The following IL1RAPL1 variants were observed in gnomAD, a reference collection of about 807,000 sequenced individuals.
IL1RAPL1 encodes interleukin-1 receptor accessory protein-like 1.
Under a neutral mutation model 48.4 loss-of-function variants are expected in IL1RAPL1, and 3 were observed. The observed-to-expected ratio is 0.06, with a 90% CI of 0.03 to 0.16. The LOEUF (loss-of-function observed/expected upper bound fraction) is 0.16, where lower values mean the gene tolerates loss of function less well. Ranked by LOEUF, IL1RAPL1 falls within the 10% of genes least tolerant of loss-of-function variation. The pLI is 1.00. For synonymous variants in IL1RAPL1, 185 were observed against 187.7 expected, an observed-to-expected ratio of 0.99 and a Z score of 0.12; for missense variants, 349 against 530.6, an observed-to-expected ratio of 0.66 and a Z score of 3.36.
In IL1RAPL1 at chrX:29,335,308, G is replaced by C. The variant is rs866056544; in HGVS notation, c.362+52091G>C. 1.7e-3 allele frequency among the ~76,000 whole-genome samples: 6 copies of C among 3,613 alleles called. 1 individual carries two copies. The highest frequency in any genetic ancestry group is 2.9e-3 in the African/African-American group (6 of 2,101). The allele number at this position is 3,613 out of a possible 115,157, so 3.1% of individuals were successfully genotyped here. A position where few individuals can be genotyped will look rare whatever the true frequency, so the allele number is the denominator to read the frequency against. ...AGAGGGGAGAGGGGAGAGGGGAGAGGGGAGAGGGGAGAGGGGAGAGGGGAG... is the reference window on the plus strand; with the variant it reads ...AGAGGGGAGAGGGGAGAGGGGAGAGCGGAGAGGGGAGAGGGGAGAGGGGAG... On this transcript the variant is annotated intron_variant, in intron 3 of 10. Coordinates refer to ENST00000378993, the MANE Select transcript of IL1RAPL1 (RefSeq NM_014271.4).
rs1340466877 is a variant in IL1RAPL1 at position 28,778,709 on chromosome X, CTATTGAATTTCA to C, written c.-24-10610_-24-10599del. 2.7e-5 allele frequency among the ~76,000 whole-genome samples: 3 copies of C among 111,767 alleles called. No individual in the cohort carries two copies. The South Asian group carries it at 1.1e-3, about 42-fold the overall frequency. Reference sequence around the variant, plus strand: ...TCTTGTCACCAAATAAGTGTGAGCTCTATTGAATTTCACAGAATTTTCTGGCAGTGTATGAAA... The same window carrying C: ...TCTTGTCACCAAATAAGTGTGAGCTCCAGAATTTTCTGGCAGTGTATGAAA... On this transcript the variant is annotated intron_variant, in intron 1 of 10. Transcript: ENST00000378993.
At chrX:28,756,532 C>G (rs974199176) in intron 1 of IL1RAPL1, among the ~76,000 whole-genome samples, 6 of 111,743 alleles carry the variant, frequency 5.4e-5, no homozygotes, top group Non-Finnish European at 9.4e-5. Flanking sequence ...ATTTTGTCAC[C>G]TCTCTTGTTA....
intron 2 of IL1RAPL1, among the ~76,000 whole-genome samples, chrX:28,796,174 C>T (rs1310055598): frequency 2.7e-5 from 3 of 111,927 alleles, no homozygotes; most frequent in African/African-American, 9.8e-5. Context: ...CTGGGTTCCT[C>T]CCATGACAGG....
At chrX:28,911,825 A>G (rs1923369144) in intron 2 of IL1RAPL1, among the ~76,000 whole-genome samples, 1 of 108,108 alleles carries the variant, frequency 9.3e-6, no homozygotes, top group Admixed American at 1.0e-4. Context: ...ATCGTCAGGG[A>G]CTTTGGATTT....
intron 6 of IL1RAPL1, among the ~76,000 whole-genome samples, chrX:29,835,464 T>C (rs1350986224): frequency 8.9e-6 from 1 of 112,142 alleles, no homozygotes; most frequent in Non-Finnish European, 1.9e-5. Flanking sequence ...TAATTGCGTG[T>C]AGTTTTCTTT....
At chrX:28,957,378 G>T (rs943765379) in intron 2 of IL1RAPL1, among the ~76,000 whole-genome samples, 71 of 111,399 alleles carry the variant, frequency 6.4e-4, no homozygotes, top group African/African-American at 2.2e-3. Context: ...TTTATTTTTA[G>T]TCTCCATTTA....
intron 6 of IL1RAPL1, among the ~76,000 whole-genome samples, chrX:29,799,409 T>C (rs1173836442): frequency 8.9e-6 from 1 of 111,921 alleles, no homozygotes; most frequent in East Asian, 2.8e-4. Flanking sequence ...TAAGAACTTT[T>C]CCTGGGTCTC....
chrX:29,910,511 T>C (rs1659952973), intron 6 of IL1RAPL1, among the ~76,000 whole-genome samples: 1 of 111,785 alleles, frequency 8.9e-6, no homozygotes, highest in Admixed American at 9.7e-5. Flanking sequence ...ATATTTTCAG[T>C]ATTTCTTAAT....
chrX:28,918,757 G>C (rs1210056266), intron 2 of IL1RAPL1, among the ~76,000 whole-genome samples: 1 of 111,489 alleles, frequency 9.0e-6, no homozygotes, highest in Non-Finnish European at 1.9e-5. Flanking sequence ...TAAATAGAAA[G>C]GCCTGATTGA....
At chrX:28,707,244 G>A (rs1935385675) in intron 1 of IL1RAPL1, among the ~76,000 whole-genome samples, 1 of 112,252 alleles carries the variant, frequency 8.9e-6, no homozygotes, top group South Asian at 3.7e-4. Context: ...CCTCCATGCT[G>A]AGGCATTTAT....
At chrX:28,624,883 C>T (rs1433900730) in intron 1 of IL1RAPL1, among the ~76,000 whole-genome samples, 1 of 112,016 alleles carries the variant, frequency 8.9e-6, no homozygotes, top group Non-Finnish European at 1.9e-5. Flanking sequence ...AATTTCTGCA[C>T]ACTTTCAAAG....
chrX:29,536,982 G>T (rs1267084259), intron 5 of IL1RAPL1, among the ~76,000 whole-genome samples: 2 of 110,171 alleles, frequency 1.8e-5, no homozygotes, highest in African/African-American at 3.3e-5. Flanking sequence ...CAAAGGCTTA[G>T]ATAATAAAAT....
chrX:29,660,509 T>G (rs1196998898), intron 5 of IL1RAPL1, among the ~76,000 whole-genome samples: 2 of 112,061 alleles, frequency 1.8e-5, no homozygotes, highest in African/African-American at 6.5e-5. Context: ...TTGAGTTTAT[T>G]TTTGTATATG....
intron 2 of IL1RAPL1, among the ~76,000 whole-genome samples, chrX:29,152,313 C>A (rs1231814505): frequency 8.9e-6 from 1 of 111,736 alleles, no homozygotes; most frequent in Non-Finnish European, 1.9e-5. Context: ...AGTGGGGACA[C>A]AGCCAAACCA....
chrX:29,221,197 T>A (rs1930967471), intron 2 of IL1RAPL1, among the ~76,000 whole-genome samples: 2 of 111,996 alleles, frequency 1.8e-5, no homozygotes, highest in South Asian at 7.5e-4. Flanking sequence ...GAAAATAAGG[T>A]TCATATATTT....
Position 29,021,207 on chromosome X carries a change from G to A in IL1RAPL1, c.82+231782G>A, listed in dbSNP as rs1167167860. ...CAGCCTGGCAACAGAGCAAGACTCC[G>A]TCTCAAGGAAAAAAAAAAAAAAAAA... On this transcript the variant is annotated intron_variant, in intron 2 of 10. Transcript: ENST00000378993. Among the ~76,000 whole-genome samples, 4 of 68,394 alleles carry A rather than the reference G, an allele frequency of 5.8e-5. 1 individual carries two copies. The highest frequency in any genetic ancestry group is 2.6e-3 in the South Asian group (2 of 770). 59.4% of individuals were successfully genotyped at this position (68,394 alleles called of 115,157 possible). A position where few individuals can be genotyped will look rare whatever the true frequency, so the allele number is the denominator to read the frequency against.
At chrX:29,392,500 T>C (rs985099365) in intron 3 of IL1RAPL1, among the ~76,000 whole-genome samples, 5 of 112,672 alleles carry the variant, frequency 4.4e-5, no homozygotes, top group African/African-American at 1.6e-4. Context: ...CGTTGGATAC[T>C]ACTTTATTTT....
rs190022110 is a variant in IL1RAPL1, at chrX:28,962,822, G to C, written c.82+173397G>C. ...AGAATCCTCAGAATTTGGTATCCGT[G>C]GGGGGGGTCCTGGAACCAATCCCCT... is the stretch of plus-strand genomic sequence containing the variant. On this transcript the variant is annotated intron_variant, in intron 2 of 10. Transcript: ENST00000378993. Among the ~76,000 whole-genome samples the C allele has an allele frequency of 2.2e-3, 229 of 106,035 alleles. 1 individual carries two copies. In the East Asian group the frequency reaches 0.044, roughly 20 times the overall value. The allele number at this position is 106,035 out of a possible 115,157, so 92.1% of individuals were successfully genotyped here.
At chrX:29,904,991 A>G (rs182409146) in intron 6 of IL1RAPL1, among the ~76,000 whole-genome samples, 359 of 112,194 alleles carry the variant, frequency 3.2e-3, no homozygotes, top group African/African-American at 0.011. Flanking sequence ...TCCCACCAAC[A>G]GAGTGAAAGC....
Sources: allele counts gnomAD v4.1 joint callset (sites outside exome capture counted in the v4.1 genomes callset), GRCh38; gene constraint gnomAD v4.1.1; transcripts MANE v1.5; gene names NCBI Gene and HGNC (gene_info 2026-07-23, HGNC 2026-07-21).